Variants in NEGR1 observed in about 807,000 individuals in gnomAD.
NEGR1 encodes the protein neuronal growth regulator 1.
NEGR1 carries 10 observed loss-of-function variants against 40.9 expected under a neutral mutation model. The observed-to-expected ratio is 0.24, with a 90% CI of 0.15 to 0.42. NEGR1 has a LOEUF of 0.42. Ranked by LOEUF, NEGR1 falls within the 10% of genes least tolerant of loss-of-function variation. The pLI is 1.00. For synonymous variants in NEGR1, 185 were observed against 166.8 expected (o/e 1.11, Z -0.84); for missense variants, 352 against 438.9 (o/e 0.80, Z 1.77).
At chr1:71,552,997 T>C (rs1429655060) in intron 6 of NEGR1, among the ~76,000 whole-genome samples, 1 of 151,514 alleles carries the variant, frequency 6.6e-6, no homozygotes, top group Non-Finnish European at 1.5e-5. Context: ...ACACAGATTT[T>C]ATTTATTTGC....
chr1:71,436,126 A>T (rs1481606250), intron 6 of NEGR1, among the ~76,000 whole-genome samples: 1 of 152,204 alleles, frequency 6.6e-6, no homozygotes. Flanking sequence ...GTGAGAAACA[A>T]TAAATTCCTG....
chr1:71,855,502 A>T (rs1356574577), intron 2 of NEGR1, among the ~76,000 whole-genome samples: 1 of 152,080 alleles, frequency 6.6e-6, no homozygotes, highest in Non-Finnish European at 1.5e-5. Flanking sequence ...CCTTTATAGG[A>T]CATGTATATT....
At chr1:71,787,022 CAGAA>C (rs1338204467) in intron 2 of NEGR1, among the ~76,000 whole-genome samples, 3 of 152,144 alleles carry the variant, frequency 2.0e-5, no homozygotes, top group Admixed American at 6.6e-5. Flanking sequence ...ACTGTGATAA[CAGAA>C]AGAGAGAGAG....
At chr1:71,783,685 A>G (rs7534589) in intron 2 of NEGR1, among the ~76,000 whole-genome samples, 4,543 of 152,306 alleles carry the variant, frequency 0.03, 221 homozygotes, top group African/African-American at 0.1. Flanking sequence ...GTCGAACTTC[A>G]GTTCAAACTT....
At chr1:72,186,094 C>A (rs1029843773) in intron 1 of NEGR1, among the ~76,000 whole-genome samples, 1 of 151,586 alleles carries the variant, frequency 6.6e-6, no homozygotes, top group Admixed American at 6.6e-5. Context: ...ATTTGTCAAC[C>A]CTCAAATTTG....
intron 3 of NEGR1, among the ~76,000 whole-genome samples, chr1:71,768,706 G>T (rs1172247109): frequency 6.6e-6 from 1 of 152,180 alleles, no homozygotes; most frequent in African/African-American, 2.4e-5. Flanking sequence ...GGAGGTGTCA[G>T]TGTGGGAATG....
intron 1 of NEGR1, among the ~76,000 whole-genome samples, chr1:72,103,812 A>G (rs924228814): frequency 6.6e-6 from 1 of 152,050 alleles, no homozygotes; most frequent in African/African-American, 2.4e-5. Context: ...CAGGAGTGAT[A>G]AAGAAGTAGG....
At chr1:71,620,222 C>T (rs574877427) in intron 4 of NEGR1, among the ~76,000 whole-genome samples, 12 of 151,962 alleles carry the variant, frequency 7.9e-5, no homozygotes, top group Middle Eastern at 6.8e-3. Context: ...TAACATTGCC[C>T]GTAGAGCATT....
intron 2 of NEGR1, among the ~76,000 whole-genome samples, chr1:71,776,538 AC>A (rs1281005104): frequency 1.3e-5 from 2 of 152,166 alleles, no homozygotes; most frequent in African/African-American, 2.4e-5. Context: ...ATATTTAATA[AC>A]AAAAATGTTT....
At chr1:72,049,841 C>G (rs78657031) in intron 1 of NEGR1, among the ~76,000 whole-genome samples, 9,004 of 151,568 alleles carry the variant, frequency 0.059, 372 homozygotes, top group South Asian at 0.16. Flanking sequence ...TCAGGCTAAA[C>G]AGCAAAATGC....
At chr1:71,462,705 C>A (rs1202493882) in intron 6 of NEGR1, among the ~76,000 whole-genome samples, 1 of 152,128 alleles carries the variant, frequency 6.6e-6, no homozygotes, top group Non-Finnish European at 1.5e-5. Context: ...GAAAAATAAT[C>A]TTTTAGATGC....
chr1:71,921,214 A>G (rs1645714348), intron 2 of NEGR1, among the ~76,000 whole-genome samples: 1 of 152,228 alleles, frequency 6.6e-6, no homozygotes, highest in Non-Finnish European at 1.5e-5. Context: ...GGCAGTAATT[A>G]TCATTATATA....
In NEGR1 at chr1:71,471,666, A is replaced by C. The variant is rs542780689; in HGVS notation, c.941-64096T>G. On this transcript the variant is annotated intron_variant, in intron 6 of 6. Coordinates refer to ENST00000357731, the MANE Select transcript of NEGR1 (RefSeq NM_173808.3). ...AACAAAACAAAACAACAACAACAAA[A>C]AAAAAGACGTACTTTTAATCAAATG... Among the ~76,000 whole-genome samples, 346 of 152,046 alleles carry C rather than the reference A, an allele frequency of 2.3e-3. 1 individual carries two copies. Among genetic ancestry groups the C allele is most frequent in the African/African-American group, 7.6e-3 (315 of 41,524 alleles).
intron 2 of NEGR1, among the ~76,000 whole-genome samples, chr1:71,795,216 T>C (rs1657277874): frequency 1.3e-5 from 2 of 152,014 alleles, no homozygotes; most frequent in South Asian, 2.1e-4. Context: ...TTGAATGCCC[T>C]AGAGGAAATA....
At chr1:72,120,296 T>C (rs1004242826) in intron 1 of NEGR1, among the ~76,000 whole-genome samples, 2 of 152,004 alleles carry the variant, frequency 1.3e-5, no homozygotes, top group Non-Finnish European at 2.9e-5. Context: ...ATCTACAAAA[T>C]ATATTTTATA....
At chr1:71,817,857 A>G (rs928612817) in intron 2 of NEGR1, among the ~76,000 whole-genome samples, 1 of 152,046 alleles carries the variant, frequency 6.6e-6, no homozygotes, top group Admixed American at 6.6e-5. Flanking sequence ...TACAGTGGCC[A>G]CTAGCATGCA....
chr1:71,848,287 T>C (rs1375799018), intron 2 of NEGR1, among the ~76,000 whole-genome samples: 3 of 152,192 alleles, frequency 2.0e-5, no homozygotes, highest in Non-Finnish European at 2.9e-5. Flanking sequence ...TTGATGGAGA[T>C]GGCTACACCA....
At chr1:71,903,759 GC>G in intron 2 of NEGR1, among the ~76,000 whole-genome samples, 1 of 151,000 alleles carries the variant, frequency 6.6e-6, no homozygotes, top group Middle Eastern at 3.4e-3. Context: ...CTAATACATA[GC>G]CCTCTTATTA....
At chr1:72,044,560 C>T (rs1323971451) in intron 1 of NEGR1, among the ~76,000 whole-genome samples, 1 of 151,590 alleles carries the variant, frequency 6.6e-6, no homozygotes, top group Admixed American at 6.6e-5. Context: ...GCTTATAATG[C>T]TAAGCACAAT....
Sources: allele counts gnomAD v4.1 joint callset (sites outside exome capture counted in the v4.1 genomes callset), GRCh38; gene constraint gnomAD v4.1.1; transcripts MANE v1.5; gene names NCBI Gene and HGNC (gene_info 2026-07-23, HGNC 2026-07-21).